ATRNL1: variants seen among roughly 807,000 people sequenced by gnomAD.
The protein encoded by ATRNL1 is attractin like 1.
A neutral mutation model predicts 182.7 loss-of-function variants in ATRNL1; 95 were observed. The observed-to-expected ratio is 0.52, with a 90% CI of 0.44 to 0.62. The LOEUF is 0.62. Among genes scored for constraint, ATRNL1 ranks in the 20% least tolerant of loss-of-function variants. The pLI is 0.00. For synonymous variants in ATRNL1, 576 were observed against 568.3 expected (o/e 1.01, Z -0.19); for missense variants, 1,471 against 1,679.5 (o/e 0.88, Z 2.17).
intron 10 of ATRNL1, among the ~76,000 whole-genome samples, chr10:115,254,654 G>A (rs1239694444): frequency 6.6e-6 from 1 of 151,610 alleles, no homozygotes; most frequent in African/African-American, 2.4e-5. Context: ...GATTCCATTT[G>A]TCAATTTTGG....
intron 9 of ATRNL1, among the ~76,000 whole-genome samples, chr10:115,241,157 A>T (rs1162094278): frequency 1.3e-4 from 20 of 152,094 alleles, no homozygotes; most frequent in African/African-American, 4.6e-4. Context: ...TTTATTATGG[A>T]GTCCATATGA....
chr10:115,737,277 C>A (rs1383396956), intron 27 of ATRNL1, among the ~76,000 whole-genome samples: 8 of 149,652 alleles, frequency 5.3e-5, no homozygotes, highest in African/African-American at 7.4e-5. Context: ...CATCCCCCCC[C>A]CCCAAAAAAA....
At chr10:115,824,484 A>G (rs1317309095) in intron 27 of ATRNL1, among the ~76,000 whole-genome samples, 1 of 152,210 alleles carries the variant, frequency 6.6e-6, no homozygotes, top group Non-Finnish European at 1.5e-5. Flanking sequence ...CATCAGAGTG[A>G]ACAGGCAACC....
intron 28 of ATRNL1, among the ~76,000 whole-genome samples, chr10:115,878,825 T>C (rs187424023): frequency 8.5e-4 from 130 of 152,278 alleles, no homozygotes; most frequent in Non-Finnish European, 8.7e-4. Context: ...AGCAGCAACA[T>C]GGTCTGTACT....
chr10:115,888,407 T>C (rs2134456710), intron 28 of ATRNL1, among the ~76,000 whole-genome samples: 1 of 152,260 alleles, frequency 6.6e-6, no homozygotes, highest in Middle Eastern at 3.4e-3. Context: ...CCACATCTGT[T>C]TTTTCAGGGC....
At chr10:115,673,759 T>C (rs908668830) in intron 26 of ATRNL1, among the ~76,000 whole-genome samples, 35 of 152,222 alleles carry the variant, frequency 2.3e-4, no homozygotes, top group Non-Finnish European at 3.7e-4. Context: ...GGTAGTCTTA[T>C]TCCCCTCTTT....
intron 15 of ATRNL1, among the ~76,000 whole-genome samples, chr10:115,291,339 C>T (rs1852893172): frequency 1.3e-5 from 2 of 152,108 alleles, no homozygotes; most frequent in South Asian, 4.1e-4. Flanking sequence ...CATGGACTTA[C>T]AGTGCTGTGT....
Position 115,703,661 on chromosome 10 carries a change from T to C in ATRNL1, c.3796-23587T>C, listed in dbSNP as rs556334834. On this transcript the variant is annotated intron_variant, in intron 26 of 28. Coordinates refer to ENST00000355044, the MANE Select transcript of ATRNL1 (RefSeq NM_207303.4). Reference sequence around the variant, plus strand: ...ATGCATGTAACATGCATTAACTTAATATACAAACATATATGTAGATAATAT... The same window carrying C: ...ATGCATGTAACATGCATTAACTTAACATACAAACATATATGTAGATAATAT... Among the ~76,000 whole-genome samples, 3 of 151,924 alleles carry C rather than the reference T, an allele frequency of 2.0e-5. No individual in the cohort carries two copies. The South Asian group carries it at 6.2e-4, about 31-fold the overall frequency.
At chr10:115,930,213 C>G (rs1214761336) in intron 28 of ATRNL1, among the ~76,000 whole-genome samples, 1 of 152,118 alleles carries the variant, frequency 6.6e-6, no homozygotes, top group Non-Finnish European at 1.5e-5. Flanking sequence ...CTTAAAATTA[C>G]CAAACAATGT....
intron 27 of ATRNL1, among the ~76,000 whole-genome samples, chr10:115,731,285 C>T (rs1457619732): frequency 6.6e-6 from 1 of 152,138 alleles, no homozygotes; most frequent in East Asian, 1.9e-4. Flanking sequence ...CTATCCAGGA[C>T]AATGTGGACT....
chr10:115,175,885 A>T, intron 8 of ATRNL1, among the ~76,000 whole-genome samples: 1 of 152,154 alleles, frequency 6.6e-6, no homozygotes, highest in South Asian at 2.1e-4. Flanking sequence ...AATTCACCAC[A>T]CTGTCTTCCA....
intron 27 of ATRNL1, among the ~76,000 whole-genome samples, chr10:115,733,836 A>G (rs1204514557): frequency 6.6e-6 from 1 of 152,166 alleles, no homozygotes; most frequent in African/African-American, 2.4e-5. Flanking sequence ...TCCTCATTAT[A>G]GATAAATATT....
chr10:115,417,751 A>G (rs1385942725), intron 20 of ATRNL1, among the ~76,000 whole-genome samples: 1 of 152,174 alleles, frequency 6.6e-6, no homozygotes, highest in Non-Finnish European at 1.5e-5. Context: ...CACACAGCCC[A>G]GTTACCCTCC....
rs1207742415 is a variant in ATRNL1, at chr10:115,378,375, C to A, written c.3176-16284C>A. On this transcript the variant is annotated intron_variant, in intron 19 of 28. Transcript: ENST00000355044. ...GATGAGCCAGGCCCAAGATCCAGGG[C>A]CATTTCAGGTTCTACTGTGGAACTA... Among the ~76,000 whole-genome samples the A allele has an allele frequency of 2.0e-5, 3 of 152,118 alleles. 1 individual carries two copies. Among genetic ancestry groups the A allele is most frequent in the African/African-American group, 7.2e-5 (3 of 41,408 alleles).
chr10:115,420,593 T>C (rs1200908075), intron 20 of ATRNL1, among the ~76,000 whole-genome samples: 1 of 152,128 alleles, frequency 6.6e-6, no homozygotes, highest in African/African-American at 2.4e-5. Context: ...AATAATCACC[T>C]ATTTGAAAAA....
chr10:115,378,070 A>G (rs1385119355), intron 19 of ATRNL1, among the ~76,000 whole-genome samples: 4 of 152,068 alleles, frequency 2.6e-5, no homozygotes, highest in African/African-American at 9.7e-5. Flanking sequence ...TGTATCCGAG[A>G]TGGACTGGGA....
At chr10:115,557,279 T>G (rs1853368285) in intron 26 of ATRNL1, among the ~76,000 whole-genome samples, 1 of 152,088 alleles carries the variant, frequency 6.6e-6, no homozygotes, top group Non-Finnish European at 1.5e-5. Flanking sequence ...GAAACAGAGC[T>G]GAGTAGGAAG....
chr10:115,167,756 C>T (rs186044325), intron 7 of ATRNL1, among the ~76,000 whole-genome samples: 48 of 151,898 alleles, frequency 3.2e-4, no homozygotes, highest in Admixed American at 9.2e-4. Flanking sequence ...ACATTTTTTG[C>T]CTTGTTTTAT....
chr10:115,622,960 G>T (rs1857867418), intron 26 of ATRNL1, among the ~76,000 whole-genome samples: 1 of 151,926 alleles, frequency 6.6e-6, no homozygotes, highest in South Asian at 2.1e-4. Context: ...AGAAAGCAAA[G>T]ATAGAAAATC....
Sources: allele counts gnomAD v4.1 joint callset (sites outside exome capture counted in the v4.1 genomes callset), GRCh38; gene constraint gnomAD v4.1.1; transcripts MANE v1.5; gene names NCBI Gene and HGNC (gene_info 2026-07-23, HGNC 2026-07-21).